Variants in SLC17A8 observed in about 807,000 individuals in gnomAD.
SLC17A8 encodes the protein solute carrier family 17 member 8, also known as vesicular glutamate transporter 3.
A neutral mutation model predicts 58.0 loss-of-function variants in SLC17A8; 31 were observed. The observed-to-expected ratio is 0.53, with a 90% CI of 0.40 to 0.72. SLC17A8 has a LOEUF of 0.72. Ranked by LOEUF, SLC17A8 falls within the 30% of genes least tolerant of loss-of-function variation. SLC17A8 has a pLI of 0.00. For synonymous variants in SLC17A8, 228 were observed against 249.0 expected, an observed-to-expected ratio of 0.92 and a Z score of 0.79; for missense variants, 655 against 727.8, an observed-to-expected ratio of 0.90 and a Z score of 1.15.
At position 100,403,954 on chromosome 12, in the gene SLC17A8, G is replaced by A. The variant is rs1395310851; in HGVS notation, c.1054-84G>A. The A allele has an allele frequency of 3.3e-6, 5 of 1,513,996 alleles. No homozygotes were observed. In the African/African-American group the frequency reaches 6.9e-5, roughly 21 times the overall value. 93.8% of individuals were successfully genotyped at this position (1,513,996 alleles called of 1,614,324 possible). Reference sequence around the variant, plus strand: ...TTTGGTGGTGGTAGGTAGGGGGGCTGTGGAGTGGAGGTGGGCAAGGGAATT... The same window carrying A: ...TTTGGTGGTGGTAGGTAGGGGGGCTATGGAGTGGAGGTGGGCAAGGGAATT... On this transcript the variant is annotated intron_variant, in intron 8 of 11. Transcript: ENST00000323346.
intron 9 of SLC17A8, among the ~76,000 whole-genome samples, chr12:100,407,591 T>G (rs12310966): frequency 0.054 from 7,179 of 134,034 alleles, 250 homozygotes; most frequent in African/African-American, 0.11. Flanking sequence ...TATATATTTT[T>G]TTTGTTTGTT....
intron 3 of SLC17A8, among the ~76,000 whole-genome samples, chr12:100,391,900 T>A (rs958445508): frequency 2.0e-5 from 3 of 152,128 alleles, no homozygotes; most frequent in Non-Finnish European, 4.4e-5. Context: ...CTCAGATGAG[T>A]GGTGGGGGCT....
Position 100,421,857 on chromosome 12 carries a change from C to T in SLC17A8, c.*1698C>T, listed in dbSNP as rs2136022067. 1 of 151,860 alleles carries T rather than the reference C, an allele frequency of 6.6e-6. No individual in the cohort carries two copies. Among genetic ancestry groups the T allele is most frequent in the East Asian group, 1.9e-4 (1 of 5,164 alleles). The allele number at this position is 151,860 out of a possible 1,614,324, so 9.4% of individuals were successfully genotyped here. On this transcript the variant is annotated 3_prime_UTR_variant, in exon 12 of 12. Transcript: ENST00000323346. ...TTTAAATCTCTTTAATGAGTGAATC[C>T]ATGCAAGCCCCATAAAACAGTTCCT...
intron 1 of SLC17A8, among the ~76,000 whole-genome samples, chr12:100,362,070 A>C (rs1952488696): frequency 1.3e-5 from 2 of 152,164 alleles, no homozygotes; most frequent in Admixed American, 1.3e-4. Flanking sequence ...AGCACAAGCG[A>C]TGTGCTGAGT....
chr12:100,378,651 C>G (rs987925168), intron 1 of SLC17A8, among the ~76,000 whole-genome samples: 1 of 151,714 alleles, frequency 6.6e-6, no homozygotes, highest in Non-Finnish European at 1.5e-5. Context: ...GAGCAATATT[C>G]GTGAGGGGAT....
chr12:100,402,162 A>C (rs891224281), intron 6 of SLC17A8, among the ~76,000 whole-genome samples, 178 bp from the exon 7 acceptor site: 2 of 152,236 alleles, frequency 1.3e-5, no homozygotes, highest in African/African-American at 4.8e-5. Context: ...TGTAGTTCAT[A>C]AATGTGATAA....
intron 5 of SLC17A8, among the ~76,000 whole-genome samples, chr12:100,399,644 T>A (rs1208632552): frequency 6.6e-6 from 1 of 151,968 alleles, no homozygotes; most frequent in Non-Finnish European, 1.5e-5. Flanking sequence ...TCAGATCTCA[T>A]GAGATCTCAC....
chr12:100,357,200 G>A lies in SLC17A8; in HGVS notation c.-192G>A. 1.7e-6 allele frequency: 1 copy of A among 583,400 alleles called. No individual in the cohort carries two copies. The highest frequency in any genetic ancestry group is 3.1e-6 in the Non-Finnish European group (1 of 322,736). 36.1% of individuals were successfully genotyped at this position (583,400 alleles called of 1,614,324 possible). ...TTTGGAGGGGTGGGGAGCAGAGAGA[G>A]GAGGGAGTTGTCTTATCTTGGAAGA... On this transcript the variant is annotated 5_prime_UTR_variant, in exon 1 of 12. Coordinates refer to ENST00000323346, the MANE Select transcript of SLC17A8 (RefSeq NM_139319.3).
rs1555327941 is a variant in SLC17A8, at chr12:100,420,151, A to G, written c.1762A>G (p.Ile588Val). The G allele has an allele frequency of 1.2e-6, 2 of 1,611,780 alleles. No individual in the cohort carries two copies. Among genetic ancestry groups the G allele is most frequent in the South Asian group, 1.1e-5 (1 of 90,636 alleles). ...YQNEERNFSTIS is the reference protein window; with the variant it reads ...YQNEERNFSTVS ...GAATGAAGAGAGAAACTTCTCAACT[A>G]TATCCTAATGTCTGAGAGGCACTTC... Residue 588 changes from isoleucine (I) to valine (V), a missense_variant, in exon 12 of 12, where the codon ATA becomes GTA. Physicochemically the swap from Ile to Val is conservative, Grantham distance 29. Transcript: ENST00000323346.
chr12:100,411,066 T>C (rs1318436235), intron 9 of SLC17A8, among the ~76,000 whole-genome samples: 2 of 152,148 alleles, frequency 1.3e-5, no homozygotes, highest in Admixed American at 6.5e-5. Flanking sequence ...ACTCTAAAGA[T>C]TGGGTTCTAA....
At chr12:100,394,934 A>T (rs187204570) in intron 4 of SLC17A8, among the ~76,000 whole-genome samples, 1 of 151,120 alleles carries the variant, frequency 6.6e-6, no homozygotes, top group African/African-American at 2.4e-5. Context: ...GTAAGTTGTT[A>T]TATCATTTCA....
intron 4 of SLC17A8, among the ~76,000 whole-genome samples, chr12:100,394,714 C>T (rs927424553): frequency 1.3e-5 from 2 of 148,376 alleles, no homozygotes; most frequent in Non-Finnish European, 3.0e-5. Flanking sequence ...CTAGTTACAT[C>T]TTTTTCAAAG....
At chr12:100,360,206 C>T (rs995491358) in intron 1 of SLC17A8, among the ~76,000 whole-genome samples, 1 of 152,156 alleles carries the variant, frequency 6.6e-6, no homozygotes, top group Non-Finnish European at 1.5e-5. Context: ...AAAGAAGATG[C>T]ACTCATTTAT....
chr12:100,396,706 C>A (rs569951992), intron 5 of SLC17A8, among the ~76,000 whole-genome samples: 4 of 152,034 alleles, frequency 2.6e-5, no homozygotes, highest in African/African-American at 9.7e-5. Flanking sequence ...GCTATGATGG[C>A]CACAGCACTC....
intron 1 of SLC17A8, among the ~76,000 whole-genome samples, chr12:100,360,838 T>G (rs1952479578): frequency 6.6e-6 from 1 of 152,220 alleles, no homozygotes; most frequent in Admixed American, 6.5e-5. Context: ...AGCCAGCAAC[T>G]TCTGGATCTG....
chr12:100,404,098 C>G lies in SLC17A8; in HGVS notation c.1114C>G (p.Gln372Glu). The change falls in exon 9 of 12, where the codon CAA becomes GAA. Residue 372 changes from glutamine (Q) to glutamate (E), a missense_variant. Gln to Glu is a conservative substitution (Grantham distance 29). Coordinates refer to ENST00000323346, the MANE Select transcript of SLC17A8 (RefSeq NM_139319.3). ...GACAATCGTTGTACCTATTGGAGGA[C>G]AATTGGCTGATTATTTAAGAAGCAG... ...VMTIVVPIGG[Q>E]LADYLRSRQI... is the part of the protein sequence containing the mutation. The G allele has an allele frequency of 1.2e-6, 2 of 1,614,078 alleles. No individual in the cohort carries two copies. Among genetic ancestry groups the G allele is most frequent in the East Asian group, 4.5e-5 (2 of 44,878 alleles).
chr12:100,371,307 C>T (rs1952557252), intron 1 of SLC17A8, among the ~76,000 whole-genome samples: 1 of 152,154 alleles, frequency 6.6e-6, no homozygotes, highest in Non-Finnish European at 1.5e-5. Flanking sequence ...CTAATAAATA[C>T]CACAGTCAGC....
chr12:100,380,544 C>T (rs559978039), intron 1 of SLC17A8, among the ~76,000 whole-genome samples, 157 bp from the exon 2 acceptor site: 7 of 151,456 alleles, frequency 4.6e-5, no homozygotes, highest in Middle Eastern at 3.5e-3. Flanking sequence ...ATAATAATAA[C>T]TTACTTTAAT....
rs568737335 is a variant in SLC17A8, at chr12:100,419,934, C to T, written c.1545C>T (p.Leu515=). 2 of 1,614,124 alleles carry T rather than the reference C, an allele frequency of 1.2e-6. No individual in the cohort carries two copies. The highest frequency in any genetic ancestry group is 2.2e-5 in the East Asian group (1 of 44,880). Residue 515 remains leucine (L), a synonymous_variant, in exon 12 of 12, where the codon CTC becomes CTT. Coordinates refer to ENST00000323346, the MANE Select transcript of SLC17A8 (RefSeq NM_139319.3). ...EKQEWADPEN[L]SEEKCGIIDQ... ...AGGAGTGGGCTGACCCAGAGAATCT[C>T]TCTGAGGAGAAATGTGGAATCATTG...
Sources: gnomAD v4.1 joint callset for allele counts (sites outside exome capture counted in the v4.1 genomes callset) on GRCh38, gnomAD v4.1.1 for gene constraint, MANE v1.5 for transcripts, NCBI Gene and HGNC (gene_info 2026-07-23, HGNC 2026-07-21) for gene names.